The following STX18 variants were observed in gnomAD, a reference collection of about 807,000 sequenced individuals.
STX18 encodes syntaxin-18.
STX18 carries 40 observed loss-of-function variants against 50.1 expected under a neutral mutation model. The ratio of observed to expected loss-of-function variants is 0.80; its 90% CI spans 0.62 to 1.04. STX18 has a LOEUF of 1.04. Among genes scored for constraint, STX18 ranks in the 50% least tolerant of loss-of-function variants. STX18 has a pLI of 0.00. For missense variants in STX18, 410 were observed against 415.8 expected (o/e 0.99, Z 0.12); for synonymous variants, 158 against 151.8 (o/e 1.04, Z -0.30).
chr4:4,472,384 C>T (rs780789696), intron 1 of STX18, among the ~76,000 whole-genome samples: 18 of 152,382 alleles, frequency 1.2e-4, no homozygotes, highest in Admixed American at 7.2e-4. Flanking sequence ...GCTCAGACCA[C>T]AGTCAATAGG....
At chr4:4,541,303 G>A (rs1033240576) in intron 1 of STX18, among the ~76,000 whole-genome samples, 1 of 152,194 alleles carries the variant, frequency 6.6e-6, no homozygotes, top group African/African-American at 2.4e-5. Flanking sequence ...CGTCTCAAGA[G>A]GAACTGAGTC....
chr4:4,512,197 C>T lies in STX18; in HGVS notation c.168+29600G>A, dbSNP rs142969846. On this transcript the variant is annotated intron_variant, in intron 1 of 10. Transcript: ENST00000306200. The stretch of plus-strand genomic sequence containing the variant: ...AACTCCTCTAGAACTCTCTTAACTC[C>T]TACTTGTTTTGTCTGCATTTTAGCC... Among the ~76,000 whole-genome samples the T allele has an allele frequency of 4.0e-3, 607 of 152,198 alleles. 4 individuals are homozygous for T. Among genetic ancestry groups the T allele is most frequent in the African/African-American group, 0.014 (579 of 41,518 alleles).
intron 5 of STX18, 48 bp from the exon 6 acceptor site, chr4:4,438,557 T>C (rs1313924656): frequency 6.8e-7 from 1 of 1,480,664 alleles, no homozygotes; most frequent in African/African-American, 1.4e-5. Context: ...CATAACAGGA[T>C]TCCTTTTTGA....
At chr4:4,538,102 G>GA (rs201329108) in intron 1 of STX18, among the ~76,000 whole-genome samples, 7,660 of 138,126 alleles carry the variant, frequency 0.055, 534 homozygotes, top group African/African-American at 0.17. Flanking sequence ...CCTTTTGAGT[G>GA]AAAAAAAAAA....
chr4:4,477,965 G>A (rs1300588902), intron 1 of STX18: 1 of 152,074 alleles, frequency 6.6e-6, no homozygotes, highest in Non-Finnish European at 1.5e-5. Flanking sequence ...CATAACGATC[G>A]TACGAATTAG....
At chr4:4,491,964 T>G (rs1728961616) in intron 1 of STX18, among the ~76,000 whole-genome samples, 1 of 152,154 alleles carries the variant, frequency 6.6e-6, no homozygotes, top group African/African-American at 2.4e-5. Flanking sequence ...CTCAGTTCAT[T>G]TTTTAAAATG....
intron 1 of STX18, among the ~76,000 whole-genome samples, chr4:4,530,013 C>T (rs985650384): frequency 6.6e-6 from 1 of 152,130 alleles, no homozygotes; most frequent in South Asian, 2.1e-4. Context: ...TAAATAGCCC[C>T]CACCCCTCCA....
chr4:4,472,421 G>A (rs1727969061), intron 1 of STX18, among the ~76,000 whole-genome samples: 1 of 152,230 alleles, frequency 6.6e-6, no homozygotes, highest in African/African-American at 2.4e-5. Flanking sequence ...GAGGGAGAAT[G>A]ATTACTAGCC....
intron 5 of STX18, among the ~76,000 whole-genome samples, chr4:4,455,530 C>T (rs1287546634): frequency 1.3e-5 from 2 of 152,236 alleles, no homozygotes; most frequent in Non-Finnish European, 2.9e-5. Flanking sequence ...AGAAGTTGGA[C>T]TTTGGCAGAG....
chr4:4,432,672 G>A (rs777500279), intron 7 of STX18, among the ~76,000 whole-genome samples: 9 of 152,248 alleles, frequency 5.9e-5, no homozygotes, highest in Non-Finnish European at 1.3e-4. Context: ...TGATGAGGCT[G>A]CGTGTGGACT....
chr4:4,425,438 T>C, intron 7 of STX18: 1 of 602,348 alleles, frequency 1.7e-6, no homozygotes, highest in Non-Finnish European at 3.0e-6. Context: ...GCCTGGTAAT[T>C]GACTTCTCCA....
chr4:4,486,995 C>A (rs1317038724), intron 1 of STX18, among the ~76,000 whole-genome samples: 1 of 152,098 alleles, frequency 6.6e-6, no homozygotes, highest in Non-Finnish European at 1.5e-5. Context: ...CTGATCTCTT[C>A]TATAAAAGAA....
At chr4:4,431,534 T>A (rs954715676) in intron 7 of STX18, among the ~76,000 whole-genome samples, 4 of 152,172 alleles carry the variant, frequency 2.6e-5, no homozygotes, top group African/African-American at 9.7e-5. Context: ...CTGTTCATCA[T>A]GTTTCTAGAG....
intron 5 of STX18, among the ~76,000 whole-genome samples, chr4:4,448,728 G>A (rs1290400399): frequency 6.6e-6 from 1 of 152,296 alleles, no homozygotes; most frequent in Non-Finnish European, 1.5e-5. Flanking sequence ...AAGATTAAAT[G>A]AGATCACCCA....
Position 4,425,282 on chromosome 4 carries a change from A to T in STX18, c.703-60T>A, listed in dbSNP as rs1725189640. The T allele has an allele frequency of 2.7e-6, 4 of 1,473,912 alleles. No individual in the cohort carries two copies. The Admixed American group carries it at 6.7e-5, about 25-fold the overall frequency. The allele number at this position is 1,473,912 out of a possible 1,614,324, so 91.3% of individuals were successfully genotyped here. A position where few individuals can be genotyped will look rare whatever the true frequency, so the allele number is the denominator to read the frequency against. ...TACTGAACTTAGGCAAGAGTCTAGC[A>T]AGAAAGCGGACCTACGCTCCAGGAA... is the stretch of plus-strand genomic sequence containing the variant. On this transcript the variant is annotated intron_variant, in intron 7 of 10. Coordinates refer to ENST00000306200, the MANE Select transcript of STX18 (RefSeq NM_016930.4).
At chr4:4,461,356 T>C (rs965782918) in intron 2 of STX18, among the ~76,000 whole-genome samples, 2 of 152,190 alleles carry the variant, frequency 1.3e-5, no homozygotes, top group African/African-American at 4.8e-5. Flanking sequence ...AGTGGAGACA[T>C]TATTTTTAAT....
chr4:4,458,833 G>A (rs959444543), intron 3 of STX18, among the ~76,000 whole-genome samples: 11 of 152,122 alleles, frequency 7.2e-5, no homozygotes, highest in African/African-American at 1.7e-4. Context: ...TATATGGCTC[G>A]GACGGGTGGA....
chr4:4,445,623 A>C (rs1272534444), intron 5 of STX18, among the ~76,000 whole-genome samples: 1 of 152,122 alleles, frequency 6.6e-6, no homozygotes, highest in Non-Finnish European at 1.5e-5. Flanking sequence ...AATCTAACAA[A>C]AGATGAGCAA....
At chr4:4,434,629 G>C in intron 7 of STX18, 141 bp downstream of exon 7, 1 of 636,152 alleles carries the variant, frequency 1.6e-6, no homozygotes, top group Non-Finnish European at 2.6e-6. Flanking sequence ...AAATGGGAAA[G>C]TGTATATAAA....
Sources: allele counts gnomAD v4.1 joint callset (sites outside exome capture counted in the v4.1 genomes callset), GRCh38; gene constraint gnomAD v4.1.1; transcripts MANE v1.5; gene names NCBI Gene and HGNC (gene_info 2026-07-23, HGNC 2026-07-21).